SNTG1: variants seen among roughly 807,000 people sequenced by gnomAD.
The protein encoded by SNTG1 is gamma-1-syntrophin.
In SNTG1, 39 loss-of-function variants were observed where a neutral mutation model predicts 74.7. The ratio of observed to expected loss-of-function variants is 0.52; its 90% confidence interval spans 0.40 to 0.68. SNTG1 has a LOEUF of 0.68. Among genes scored for constraint, SNTG1 ranks in the 30% least tolerant of loss-of-function variants. The pLI is 0.00. For synonymous variants in SNTG1, 254 were observed against 217.1 expected (o/e 1.17, Z -1.49); for missense variants, 685 against 609.5 (o/e 1.12, Z -1.30).
At chr8:50,459,301 G>A (rs2093537887) in intron 8 of SNTG1, among the ~76,000 whole-genome samples, 1 of 152,060 alleles carries the variant, frequency 6.6e-6, no homozygotes. Flanking sequence ...ACGTTGGTAA[G>A]CCATCAAACT....
intron 1 of SNTG1, among the ~76,000 whole-genome samples, chr8:49,913,699 T>C (rs1805775360): frequency 6.6e-6 from 1 of 152,196 alleles, no homozygotes; most frequent in Non-Finnish European, 1.5e-5. Context: ...CACAATCCTT[T>C]TTTTCCTCAG....
intron 1 of SNTG1, among the ~76,000 whole-genome samples, chr8:50,154,319 A>T (rs2082179366): frequency 6.6e-6 from 1 of 152,080 alleles, no homozygotes; most frequent in South Asian, 2.1e-4. Flanking sequence ...TTTTCCAGGT[A>T]CTGTCTGTCA....
chr8:50,005,785 C>T (rs1438777785), intron 1 of SNTG1, among the ~76,000 whole-genome samples: 2 of 151,708 alleles, frequency 1.3e-5, no homozygotes, highest in African/African-American at 2.4e-5. Flanking sequence ...AAAAGGTCCC[C>T]TAGGCTATAC....
chr8:50,076,277 A>G (rs203930), intron 1 of SNTG1, among the ~76,000 whole-genome samples: 76,464 of 151,914 alleles, frequency 0.5, 23,078 homozygotes, highest in East Asian at 0.81. Context: ...TTCTTTAGGT[A>G]ACATACTGAA....
At chr8:50,050,745 T>C (rs183914151) in intron 1 of SNTG1, among the ~76,000 whole-genome samples, 8 of 152,034 alleles carry the variant, frequency 5.3e-5, no homozygotes, top group Admixed American at 4.6e-4. Flanking sequence ...AAAAGAAAAC[T>C]ACAGGTCAAC....
chr8:50,442,736 A>C (rs2131588148), intron 5 of SNTG1, among the ~76,000 whole-genome samples: 1 of 149,012 alleles, frequency 6.7e-6, no homozygotes, highest in South Asian at 2.2e-4. Flanking sequence ...TTTTCACAAA[A>C]ATTTCAACAA....
intron 15 of SNTG1, among the ~76,000 whole-genome samples, chr8:50,659,170 G>A (rs1392174750): frequency 1.3e-5 from 2 of 152,080 alleles, no homozygotes; most frequent in Non-Finnish European, 2.9e-5. Flanking sequence ...AAGAACATTC[G>A]ATTGTCATAT....
intron 8 of SNTG1, chr8:50,457,091 T>C (rs1225200524): frequency 6.6e-6 from 1 of 152,230 alleles, no homozygotes; most frequent in Non-Finnish European, 1.5e-5. Context: ...GTAAAAGTTT[T>C]GTCACACTTT....
chr8:50,521,717 G>A (rs2094181111), intron 9 of SNTG1, among the ~76,000 whole-genome samples: 1 of 152,084 alleles, frequency 6.6e-6, no homozygotes, highest in South Asian at 2.1e-4. Flanking sequence ...TATCAACTAA[G>A]TTTATGTAAT....
intron 1 of SNTG1, among the ~76,000 whole-genome samples, chr8:49,950,138 A>C (rs896355841): frequency 1.3e-5 from 2 of 152,142 alleles, no homozygotes; most frequent in African/African-American, 4.8e-5. Context: ...AAAATCAATC[A>C]ATAAAAAAAA....
intron 1 of SNTG1, among the ~76,000 whole-genome samples, chr8:50,084,457 T>G (rs550754951): frequency 6.6e-6 from 1 of 151,948 alleles, no homozygotes; most frequent in South Asian, 2.1e-4. Context: ...AGACTCCATC[T>G]CAAAAAAAAT....
intron 1 of SNTG1, among the ~76,000 whole-genome samples, chr8:50,036,423 A>G (rs1818172046): frequency 6.6e-6 from 1 of 152,134 alleles, no homozygotes; most frequent in African/African-American, 2.4e-5. Flanking sequence ...CTGCTTGGTT[A>G]TTCACTAAGC....
chr8:50,586,905 AAAT>A (rs1233209434), intron 12 of SNTG1, among the ~76,000 whole-genome samples: 1 of 152,062 alleles, frequency 6.6e-6, no homozygotes, highest in Non-Finnish European at 1.5e-5. Flanking sequence ...TTATATTTCA[AAAT>A]AATAATAATT....
intron 18 of SNTG1, among the ~76,000 whole-genome samples, chr8:50,755,615 A>G (rs547014806): frequency 6.6e-5 from 10 of 152,026 alleles, no homozygotes; most frequent in Admixed American, 5.9e-4. Flanking sequence ...TCTTTGGGTA[A>G]TATCATGGAG....
rs190073513 is a variant in SNTG1 at position 49,966,297 on chromosome 8, C to T, written c.-103+54066C>T. ...ATCATTGTAAATTTGTTGATTTGTA[C>T]GGGAAATACAGTCAGTACTTTAAGT... On this transcript the variant is annotated intron_variant, in intron 1 of 18. Transcript: ENST00000642720. 3.7e-3 allele frequency among the ~76,000 whole-genome samples: 565 copies of T among 152,012 alleles called. 3 individuals are homozygous for T. Among genetic ancestry groups the T allele is most frequent in the African/African-American group, 0.013 (533 of 41,462 alleles).
chr8:50,101,778 A>C (rs1164823982), intron 1 of SNTG1, among the ~76,000 whole-genome samples: 1 of 151,166 alleles, frequency 6.6e-6, no homozygotes, highest in Non-Finnish European at 1.5e-5. Flanking sequence ...CTCATTGTTC[A>C]ATTCCCACCT....
intron 1 of SNTG1, among the ~76,000 whole-genome samples, chr8:50,111,949 A>C (rs2080609786): frequency 6.6e-6 from 1 of 152,190 alleles, no homozygotes; most frequent in Non-Finnish European, 1.5e-5. Context: ...CCAAAAAAAT[A>C]GCCACAATAT....
At chr8:50,700,148 A>G (rs1339976173) in intron 15 of SNTG1, among the ~76,000 whole-genome samples, 1 of 152,214 alleles carries the variant, frequency 6.6e-6, no homozygotes, top group Non-Finnish European at 1.5e-5. Context: ...ATTCTTATTT[A>G]AACCTATGTG....
At chr8:49,925,624 C>T (rs534524981) in intron 1 of SNTG1, among the ~76,000 whole-genome samples, 1 of 152,160 alleles carries the variant, frequency 6.6e-6, no homozygotes, top group South Asian at 2.1e-4. Context: ...ACCCTGGAAA[C>T]CACTGTTCTG....
Sources: gnomAD v4.1 joint callset for allele counts (sites outside exome capture counted in the v4.1 genomes callset) on GRCh38, gnomAD v4.1.1 for gene constraint, MANE v1.5 for transcripts, NCBI Gene and HGNC (gene_info 2026-07-23, HGNC 2026-07-21) for gene names.